PDXDC1: variants seen among roughly 807,000 people sequenced by gnomAD.
PDXDC1 encodes the protein pyridoxal-dependent decarboxylase domain-containing protein 1.
In PDXDC1, 42 loss-of-function variants were observed where a neutral mutation model predicts 100.1. That is an observed-to-expected ratio of 0.42 (90% CI 0.33 to 0.54). The LOEUF is 0.54. Ranked by LOEUF, PDXDC1 falls within the 20% of genes least tolerant of loss-of-function variation. The pLI is 0.10. For missense variants in PDXDC1, 636 were observed against 979.2 expected (o/e 0.65, Z 4.68); for synonymous variants, 260 against 371.7 (o/e 0.70, Z 3.46).
chr16:15,018,013 C>T (rs369894385), intron 11 of PDXDC1, among the ~76,000 whole-genome samples: 2 of 152,258 alleles, frequency 1.3e-5, no homozygotes, highest in African/African-American at 2.4e-5. Context: ...ATGTTGAACT[C>T]GCGATCTCAG....
intron 16 of PDXDC1, among the ~76,000 whole-genome samples, chr16:15,087,768 C>A (rs1293347655): frequency 6.6e-6 from 1 of 152,214 alleles, no homozygotes; most frequent in Non-Finnish European, 1.5e-5. Context: ...CTCTTTTCCA[C>A]TAAAAAGACT....
intron 16 of PDXDC1, chr16:15,135,218 A>G: frequency 1.3e-6 from 1 of 773,688 alleles, no homozygotes; most frequent in Non-Finnish European, 2.1e-6. Context: ...CACGGAAAAC[A>G]GTAGATGAGC....
chr16:15,114,942 T>C lies in PDXDC1; in HGVS notation c.1400-23937T>C, dbSNP rs2047191775. Among the ~76,000 whole-genome samples, 3 of 147,172 alleles carry C rather than the reference T, an allele frequency of 2.0e-5. No individual in the cohort carries two copies. In the South Asian group the frequency reaches 6.6e-4, roughly 32 times the overall value. On this transcript the variant is annotated intron_variant, in intron 16 of 16. Transcript: ENST00000535621. The stretch of plus-strand genomic sequence containing the variant: ...AAAAAAAAAAATTTTTTTTTTTTTT[T>C]TTTTTTGAGACAGAGTTCTGCTCCA...
chr16:15,031,308 G>A (rs542917151), intron 16 of PDXDC1, among the ~76,000 whole-genome samples: 10 of 152,022 alleles, frequency 6.6e-5, no homozygotes, highest in South Asian at 2.1e-4. Flanking sequence ...CCTGAGGCCC[G>A]GCGCTGTCAC....
At chr16:15,053,453 A>G (rs993333660) in intron 16 of PDXDC1, among the ~76,000 whole-genome samples, 1 of 151,824 alleles carries the variant, frequency 6.6e-6, no homozygotes, top group Admixed American at 6.6e-5. Flanking sequence ...ACATTATAAA[A>G]CAACATATAG....
intron 8 of PDXDC1, among the ~76,000 whole-genome samples, chr16:15,014,206 C>A (rs1213201978): frequency 6.1e-4 from 88 of 144,238 alleles, no homozygotes; most frequent in South Asian, 1.1e-3. Flanking sequence ...GACTCTGTCT[C>A]AAAAAAAAAA....
chr16:15,013,354 A>G (rs1437906440), intron 8 of PDXDC1, among the ~76,000 whole-genome samples: 89 of 146,494 alleles, frequency 6.1e-4, no homozygotes, highest in African/African-American at 2.2e-3. Context: ...ATCTCAAAAA[A>G]AAAAGAAAAA....
At chr16:15,106,447 T>G (rs1272299602) in intron 16 of PDXDC1, 1 of 974,572 alleles carries the variant, frequency 1.0e-6, no homozygotes, top group African/African-American at 1.6e-5. Context: ...GAAAACGTAT[T>G]TCAGATGGCT....
At chr16:15,025,032 T>C (rs1464502771) in intron 13 of PDXDC1, among the ~76,000 whole-genome samples, 5 of 152,424 alleles carry the variant, frequency 3.3e-5, no homozygotes, top group African/African-American at 9.6e-5. Flanking sequence ...CAGCTTACAG[T>C]CCTCTTTCTG....
intron 16 of PDXDC1, chr16:15,063,129 C>T (rs1298139333): frequency 8.2e-6 from 10 of 1,212,216 alleles, no homozygotes; most frequent in Non-Finnish European, 1.2e-5. Flanking sequence ...TTGCCACTTA[C>T]TATCTCACTG....
At chr16:15,079,909 T>C (rs1339392143) in intron 16 of PDXDC1, 1 of 1,361,822 alleles carries the variant, frequency 7.3e-7, no homozygotes, top group East Asian at 2.6e-5. Flanking sequence ...GTGGATTCTT[T>C]TCTATCACTG....
chr16:15,019,497 A>G (rs1305356950), intron 12 of PDXDC1, among the ~76,000 whole-genome samples: 10 of 152,290 alleles, frequency 6.6e-5, no homozygotes, highest in Admixed American at 4.6e-4. Context: ...TCAGGCTTCT[A>G]TAACAAAATA....
At chr16:15,063,280 T>C (rs1391407041) in intron 16 of PDXDC1, 6 of 1,610,608 alleles carry the variant, frequency 3.7e-6, no homozygotes, top group Admixed American at 3.3e-5. Context: ...TGAATTTCTT[T>C]GACCTGTCAA....
intron 16 of PDXDC1, among the ~76,000 whole-genome samples, chr16:15,102,149 T>C (rs1173833861): frequency 2.0e-5 from 3 of 151,772 alleles, no homozygotes; most frequent in African/African-American, 7.3e-5. Flanking sequence ...CCTGGCCTGG[T>C]GAGCTAATTT....
rs1036627717 is a variant in PDXDC1, at chr16:15,135,047, G to A, written c.1400-3832G>A. On this transcript the variant is annotated intron_variant, in intron 16 of 16. Transcript: ENST00000535621. The stretch of plus-strand genomic sequence containing the variant: ...TTCCTCACTGTTGGTATTGCTGGGG[G>A]ACTGTGTAGCTTTTGTCACTAGAGC... The A allele has an allele frequency of 3.2e-5, 17 of 538,212 alleles. No individual in the cohort carries two copies. The East Asian group carries it at 3.2e-4, about 10-fold the overall frequency. 33.3% of individuals were successfully genotyped at this position (538,212 alleles called of 1,614,324 possible).
intron 16 of PDXDC1, among the ~76,000 whole-genome samples, chr16:15,064,938 G>A (rs927373813): frequency 4.6e-5 from 7 of 152,134 alleles, no homozygotes; most frequent in South Asian, 2.1e-4. Context: ...AGGCCGAGGC[G>A]GGCGGATCAC....
intron 5 of PDXDC1, among the ~76,000 whole-genome samples, 167 bp from the exon 6 acceptor site, chr16:15,006,227 A>T (rs1974218268): frequency 6.6e-6 from 1 of 152,268 alleles, no homozygotes; most frequent in Non-Finnish European, 1.5e-5. Context: ...CTCAGCTGTA[A>T]TGAGGTGTCA....
intron 16 of PDXDC1, 32 bp downstream of exon 16, chr16:15,030,088 T>C: frequency 7.8e-6 from 12 of 1,537,204 alleles, no homozygotes; most frequent in Non-Finnish European, 1.1e-5. Flanking sequence ...TCCCTTGCTT[T>C]TGTTCTGGGG....
intron 16 of PDXDC1, among the ~76,000 whole-genome samples, chr16:15,111,619 A>G (rs1212589396): frequency 1.4e-5 from 2 of 147,226 alleles, no homozygotes; most frequent in Non-Finnish European, 3.0e-5. Flanking sequence ...TTAGCTGAGC[A>G]TGGTGGCGCA....
Sources: allele counts gnomAD v4.1 joint callset (sites outside exome capture counted in the v4.1 genomes callset), GRCh38; gene constraint gnomAD v4.1.1; transcripts MANE v1.5; gene names NCBI Gene and HGNC (gene_info 2026-07-23, HGNC 2026-07-21).